DOCK9: variants seen among roughly 807,000 people sequenced by gnomAD.
The protein encoded by DOCK9 is dedicator of cytokinesis 9, also known as dedicator of cytokinesis protein 9.
A neutral mutation model predicts 263.3 loss-of-function variants in DOCK9; 89 were observed. The ratio of observed to expected loss-of-function variants is 0.34; its 90% CI spans 0.28 to 0.40. DOCK9 has a LOEUF of 0.40. Among genes scored for constraint, DOCK9 ranks in the 10% least tolerant of loss-of-function variants. DOCK9 has a pLI of 1.00. For synonymous variants in DOCK9, 976 were observed against 973.1 expected (o/e 1.00, Z -0.06); for missense variants, 2,140 against 2,603.4 (o/e 0.82, Z 3.87).
At position 98,902,435 on chromosome 13, in the gene DOCK9, A is replaced by T. The variant is rs200221640; in HGVS notation, c.1233T>A (p.Ile411=). 1 of 1,614,042 alleles carries T rather than the reference A, an allele frequency of 6.2e-7. No homozygotes were observed. Residue 411 remains isoleucine, a synonymous_variant, in exon 12 of 53, where the codon ATT becomes ATA. Transcript: ENST00000682017. ...SLFDIKYNRK[I]SADFHVDLNH... is the part of the protein sequence containing the mutation. ...TCAGGTCTACGTGGAAATCGGCAGAAATCTTCCGGTTGTATTTTATGTCAA... is the reference window on the plus strand; with the variant it reads ...TCAGGTCTACGTGGAAATCGGCAGATATCTTCCGGTTGTATTTTATGTCAA...
chr13:98,949,023 ATC>A (rs2057071263), intron 2 of DOCK9, among the ~76,000 whole-genome samples: 1 of 152,048 alleles, frequency 6.6e-6, no homozygotes, highest in Non-Finnish European at 1.5e-5. Context: ...GGGTGAACAA[ATC>A]TCTCTTTGAG....
intron 33 of DOCK9, chr13:98,857,623 C>T (rs2093738903): frequency 6.6e-6 from 1 of 152,212 alleles, no homozygotes; most frequent in African/African-American, 2.4e-5. Context: ...GAAGGAAGAC[C>T]TGTGACATCA....
At chr13:98,878,639 G>C (rs184773889) in intron 27 of DOCK9, among the ~76,000 whole-genome samples, 1 of 152,370 alleles carries the variant, frequency 6.6e-6, no homozygotes, top group Non-Finnish European at 1.5e-5. Flanking sequence ...TTTAGATGGA[G>C]CATTTCTCTG....
chr13:98,895,632 G>A (rs368657001), intron 15 of DOCK9, among the ~76,000 whole-genome samples: 16 of 150,228 alleles, frequency 1.1e-4, no homozygotes, highest in African/African-American at 1.7e-4. Context: ...GCTACTGTAC[G>A]CCAGCCTGAG....
At chr13:98,800,139 G>T (rs890206166) in intron 50 of DOCK9, 149 bp downstream of exon 50, 10 of 866,384 alleles carry the variant, frequency 1.2e-5, no homozygotes, top group Non-Finnish European at 1.7e-5. Context: ...CTGATATCAG[G>T]AGAAATGTCA....
chr13:98,924,481 T>C (rs1471390591), intron 4 of DOCK9, among the ~76,000 whole-genome samples: 2 of 152,260 alleles, frequency 1.3e-5, no homozygotes, highest in Non-Finnish European at 2.9e-5. Context: ...AAATCAAGTA[T>C]AATTCAATTT....
intron 1 of DOCK9, among the ~76,000 whole-genome samples, chr13:99,042,067 G>C (rs566985712): frequency 6.6e-6 from 1 of 152,214 alleles, no homozygotes; most frequent in Admixed American, 6.5e-5. Context: ...ACTGAAACCA[G>C]TATGATTACC....
chr13:99,037,785 G>A (rs7999088), intron 1 of DOCK9, among the ~76,000 whole-genome samples: 75,314 of 152,010 alleles, frequency 0.5, 18,929 homozygotes, highest in East Asian at 0.65. Flanking sequence ...TAATTCATCA[G>A]TATAAAGAAA....
chr13:98,871,898 T>C lies in DOCK9; in HGVS notation c.2944-3521A>G, dbSNP rs143025706. ...CCCCATCCTCTGCGAGCCACACTTA[T>C]GTGCTGCCCGCTGGCTGCTCAGCGC... On this transcript the variant is annotated intron_variant, in intron 27 of 52. Coordinates refer to ENST00000682017, the MANE Select transcript of DOCK9 (RefSeq NM_001366683.2). 1.3e-3 allele frequency: 204 copies of C among 153,282 alleles called. 1 individual carries two copies. Among genetic ancestry groups the C allele is most frequent in the Middle Eastern group, 3.4e-3 (1 of 294 alleles). 9.5% of individuals were successfully genotyped at this position (153,282 alleles called of 1,614,324 possible). A position where few individuals can be genotyped will look rare whatever the true frequency, so the allele number is the denominator to read the frequency against.
At chr13:98,804,090 G>A (rs1352146441) in intron 49 of DOCK9, among the ~76,000 whole-genome samples, 5 of 152,170 alleles carry the variant, frequency 3.3e-5, no homozygotes, top group Non-Finnish European at 7.3e-5. Context: ...ATGATAGTGT[G>A]TATTATTACC....
chr13:99,046,129 G>A (rs2040420626), intron 1 of DOCK9, among the ~76,000 whole-genome samples: 1 of 151,192 alleles, frequency 6.6e-6, no homozygotes, highest in South Asian at 2.1e-4. Flanking sequence ...GCATCACTGT[G>A]TCTAGAATTC....
At chr13:98,875,968 C>T (rs970105322) in intron 27 of DOCK9, among the ~76,000 whole-genome samples, 10 of 152,210 alleles carry the variant, frequency 6.6e-5, no homozygotes, top group Admixed American at 3.3e-4. Flanking sequence ...GTAAGCATAA[C>T]GCTGTGCCAT....
At chr13:98,968,837 T>G (rs1488862140) in intron 1 of DOCK9, among the ~76,000 whole-genome samples, 1 of 152,228 alleles carries the variant, frequency 6.6e-6, no homozygotes, top group Non-Finnish European at 1.5e-5. Flanking sequence ...CTTGGTTCTA[T>G]AAAGCAGCAG....
intron 1 of DOCK9, among the ~76,000 whole-genome samples, chr13:99,030,352 A>G (rs1887201282): frequency 6.6e-6 from 1 of 152,248 alleles, no homozygotes. Flanking sequence ...AAAATGGAAC[A>G]TTTGTTTCTG....
chr13:98,976,785 AG>A (rs1192395206), intron 1 of DOCK9, among the ~76,000 whole-genome samples: 2 of 152,238 alleles, frequency 1.3e-5, no homozygotes, highest in Non-Finnish European at 2.9e-5. Flanking sequence ...AATAAAATAT[AG>A]GGCAGTCTCA....
chr13:98,970,915 T>C (rs560815798), intron 1 of DOCK9, among the ~76,000 whole-genome samples: 2 of 152,190 alleles, frequency 1.3e-5, no homozygotes, highest in African/African-American at 2.4e-5. Flanking sequence ...ACCCATTCCC[T>C]TGGTCTTACT....
At position 98,853,514 on chromosome 13, in the gene DOCK9, T is replaced by G; in HGVS notation, c.3840A>C (p.Gln1280His). The part of the protein sequence containing the change: ...EKSNSLDKHQ[Q>H]SSTLGNSVVR... ...CCACGGAATTTCCCAATGTGCTACT[T>G]TGTTGGTGCTAAAAAGAAAATACAG... The change falls in exon 35 of 53, where the codon CAA becomes CAC. Residue 1280 changes from glutamine (Q) to histidine (H), a missense_variant. This residue lies in a region of DOCK9 where 1,521 missense variants were observed against 1,741.7 expected (regional missense o/e 0.87). Coordinates refer to ENST00000682017, the MANE Select transcript of DOCK9 (RefSeq NM_001366683.2). 1.2e-6 allele frequency: 2 copies of G among 1,611,320 alleles called. No individual in the cohort carries two copies. The highest frequency in any genetic ancestry group is 1.7e-6 in the Non-Finnish European group (2 of 1,178,670).
chr13:99,083,114 G>A, intron 1 of DOCK9, among the ~76,000 whole-genome samples: 1 of 152,110 alleles, frequency 6.6e-6, no homozygotes, highest in South Asian at 2.1e-4. Context: ...AATCAGCTGG[G>A]CATGGTAGAA....
chr13:99,021,175 G>A (rs1886045344), intron 1 of DOCK9, among the ~76,000 whole-genome samples: 1 of 152,140 alleles, frequency 6.6e-6, no homozygotes, highest in Non-Finnish European at 1.5e-5. Context: ...AATAAATGCT[G>A]GTCTCTCTTC....
Sources: gnomAD v4.1 joint callset for allele counts (sites outside exome capture counted in the v4.1 genomes callset) on GRCh38, gnomAD v4.1.1 for gene constraint, gnomAD v4.1.1 regional missense constraint, MANE v1.5 for transcripts, NCBI Gene and HGNC (gene_info 2026-07-23, HGNC 2026-07-21) for gene names.